Variants in TRPM1 observed in about 807,000 individuals in gnomAD.
TRPM1 encodes the protein TRPM1-203 APA Isoform, Intron 10.
In TRPM1, 113 loss-of-function variants were observed where a neutral mutation model predicts 149.4. That is an observed-to-expected ratio of 0.76 (90% CI 0.65 to 0.88). The LOEUF (loss-of-function observed/expected upper bound fraction) is 0.88, where lower values mean the gene tolerates loss of function less well. Among genes scored for constraint, TRPM1 ranks in the 40% least tolerant of loss-of-function variants. The pLI is 0.00. For synonymous variants in TRPM1, 741 were observed against 759.5 expected, an observed-to-expected ratio of 0.98 and a Z score of 0.40; for missense variants, 1,976 against 2,038.7, an observed-to-expected ratio of 0.97 and a Z score of 0.59.
intron 1 of TRPM1, among the ~76,000 whole-genome samples, chr15:31,144,874 C>A (rs1233940117): frequency 6.6e-6 from 1 of 152,000 alleles, no homozygotes; most frequent in Non-Finnish European, 1.5e-5. Context: ...TTCCACCACA[C>A]CGGGCTAATT....
chr15:31,074,310 A>G (rs1409700857), intron 3 of TRPM1, among the ~76,000 whole-genome samples: 1 of 152,096 alleles, frequency 6.6e-6, no homozygotes, highest in Non-Finnish European at 1.5e-5. Context: ...AATTCATCGA[A>G]AAAGCCATGT....
chr15:31,088,534 A>G (rs2035076833), intron 1 of TRPM1, among the ~76,000 whole-genome samples: 1 of 152,192 alleles, frequency 6.6e-6, no homozygotes, highest in Non-Finnish European at 1.5e-5. Flanking sequence ...CACCTTTAAG[A>G]GCTGTAACAC....
chr15:31,061,739 C>A (rs1326975074), intron 9 of TRPM1, among the ~76,000 whole-genome samples: 3 of 150,550 alleles, frequency 2.0e-5, no homozygotes, highest in East Asian at 3.9e-4. Context: ...GGCTGGAGTG[C>A]AATGGCGCTA....
chr15:31,077,842 TG>T (rs925249855), intron 2 of TRPM1, among the ~76,000 whole-genome samples: 2 of 151,508 alleles, frequency 1.3e-5, no homozygotes, highest in African/African-American at 2.4e-5. Flanking sequence ...TGTATGTGAG[TG>T]GGTGTGTGCG....
At chr15:31,150,433 CTTTTTTT>C (rs35862690) in intron 1 of TRPM1, among the ~76,000 whole-genome samples, 9 of 110,852 alleles carry the variant, frequency 8.1e-5, no homozygotes, top group East Asian at 2.9e-4. Flanking sequence ...TTTTCTTTTC[CTTTTTTT>C]TTTTTTTTTT....
intron 20 of TRPM1, among the ~76,000 whole-genome samples, chr15:31,036,452 G>T (rs1377573768): frequency 1.3e-5 from 2 of 151,142 alleles, no homozygotes; most frequent in African/African-American, 4.9e-5. Context: ...TTTTTTTCAA[G>T]ATCCTGCCTC....
At chr15:31,050,654 C>A in intron 11 of TRPM1, 72 bp from the exon 12 acceptor site, 1 of 1,541,628 alleles carries the variant, frequency 6.5e-7, no homozygotes, top group Non-Finnish European at 9.0e-7. Context: ...AGCTCATTGA[C>A]CCTCCCACCT....
At chr15:31,114,162 C>T (rs1000878403) in intron 1 of TRPM1, among the ~76,000 whole-genome samples, 1 of 152,190 alleles carries the variant, frequency 6.6e-6, no homozygotes, top group African/African-American at 2.4e-5. Flanking sequence ...GATCTTTTCT[C>T]TCCTCCCACT....
intron 1 of TRPM1, among the ~76,000 whole-genome samples, chr15:31,113,033 T>C (rs916001012): frequency 6.6e-6 from 1 of 152,220 alleles, no homozygotes; most frequent in Non-Finnish European, 1.5e-5. Flanking sequence ...TGGAGCAATC[T>C]GCTTCCTGAA....
rs34263666 is a variant in TRPM1, at chr15:31,040,742, CG to C, written c.2088-397del. 0.12 allele frequency among the ~76,000 whole-genome samples: 18,388 copies of C among 152,018 alleles called. 1,218 individuals are homozygous for C. Among genetic ancestry groups the C allele is most frequent in the Admixed American group, 0.15 (2,353 of 15,274 alleles). ...CCTGTGGAGTTGGAGGCCACAGTAG[CG>C]GGGCTGCTGGTGGTGGTGGTGGCGG... On this transcript the variant is annotated intron_variant, in intron 17 of 27. Transcript: ENST00000256552. The surrounding 1 kb of genome is among the most constrained non-coding windows in gnomAD (Gnocchi z 4.2).
intron 1 of TRPM1, among the ~76,000 whole-genome samples, chr15:31,125,179 AAAAAC>A (rs1379119758): frequency 1.6e-5 from 2 of 121,326 alleles, no homozygotes; most frequent in Non-Finnish European, 3.4e-5. Flanking sequence ...CTGTGTCTCA[AAAAAC>A]AAAACAAAAC....
At chr15:31,113,862 C>CG (rs2035758329) in intron 1 of TRPM1, among the ~76,000 whole-genome samples, 1 of 152,174 alleles carries the variant, frequency 6.6e-6, no homozygotes, top group Non-Finnish European at 1.5e-5. Flanking sequence ...CTCCCACACG[C>CG]TGGAAGGGTA....
Position 31,049,258 on chromosome 15 carries a change from G to A in TRPM1, c.1572+117C>T, listed in dbSNP as rs10851487. On this transcript the variant is annotated intron_variant, in intron 13 of 27. Coordinates refer to ENST00000256552, the MANE Select transcript of TRPM1 (RefSeq NM_001252024.2). ...GTGAGAAGTAGCCGCCTGCCATTAA[G>A]TACGGACCTCCCAGCTGAAGGAGGT... is the stretch of plus-strand genomic sequence containing the variant. 0.55 allele frequency: 821,330 copies of A among 1,488,580 alleles called. 234,086 individuals carry two copies. The highest frequency in any genetic ancestry group is 0.91 in the East Asian group (40,412 of 44,268). 92.2% of individuals were successfully genotyped at this position (1,488,580 alleles called of 1,614,324 possible).
intron 11 of TRPM1, among the ~76,000 whole-genome samples, chr15:31,053,134 A>T (rs945865460): frequency 2.0e-5 from 3 of 152,228 alleles, no homozygotes; most frequent in Non-Finnish European, 4.4e-5. Flanking sequence ...TACAAAGCAG[A>T]TACACAAATG....
chr15:31,007,648 C>CAACAACA (rs148559185), intron 27 of TRPM1, among the ~76,000 whole-genome samples: 3 of 84,194 alleles, frequency 3.6e-5, no homozygotes, highest in South Asian at 7.9e-4. Flanking sequence ...ACAACAGCAG[C>CAACAACA]GCAGCAACAA....
rs2034371093 is a variant in TRPM1 at position 31,066,205 on chromosome 15, GC to G, written c.660del (p.Lys220AsnfsTer27). On this transcript the variant is annotated frameshift_variant, in exon 7 of 28. Transcript: ENST00000256552. LOFTEE classifies it high-confidence loss of function. The part of the protein sequence containing the change: ...VYQTMSNPLS[K>X]LSVLNNSHTH... ...GTGTGGGAGTTGTTGAGCACAGAGA[GC>G]TTACTTAGAGGGTTGGACATGGTCT... 1 of 1,614,066 alleles carries G rather than the reference GC, an allele frequency of 6.2e-7. No homozygotes were observed. The highest frequency in any genetic ancestry group is 1.3e-5 in the African/African-American group (1 of 74,914).
At chr15:31,088,258 AG>A (rs1326610665) in intron 1 of TRPM1, among the ~76,000 whole-genome samples, 2 of 152,262 alleles carry the variant, frequency 1.3e-5, no homozygotes, top group African/African-American at 4.8e-5. Context: ...ACCAATCAGC[AG>A]GATGTGGGTG....
At chr15:31,153,386 G>A (rs1200115502) in intron 1 of TRPM1, among the ~76,000 whole-genome samples, 1 of 152,194 alleles carries the variant, frequency 6.6e-6, no homozygotes, top group Non-Finnish European at 1.5e-5. Context: ...GTACAGTGGT[G>A]TGATCTTGGC....
chr15:31,051,459 G>A (rs2033947328), intron 11 of TRPM1, among the ~76,000 whole-genome samples: 1 of 152,190 alleles, frequency 6.6e-6, no homozygotes, highest in Non-Finnish European at 1.5e-5. Flanking sequence ...GCTGAGAACT[G>A]TGCTGGTGCC....
Sources: allele counts gnomAD v4.1 joint callset (sites outside exome capture counted in the v4.1 genomes callset), GRCh38; gene constraint gnomAD v4.1.1; non-coding constraint Gnocchi (gnomAD v3.1); transcripts MANE v1.5; gene names NCBI Gene and HGNC (gene_info 2026-07-23, HGNC 2026-07-21).